CDH13: variants seen among roughly 807,000 people sequenced by gnomAD.
The protein encoded by CDH13 is cadherin 13.
A neutral mutation model predicts 63.8 loss-of-function variants in CDH13; 24 were observed. The observed-to-expected ratio is 0.38, with a 90% CI of 0.27 to 0.53. The LOEUF (loss-of-function observed/expected upper bound fraction) is 0.53, where lower values mean the gene tolerates loss of function less well. Among genes scored for constraint, CDH13 ranks in the 20% least tolerant of loss-of-function variants. The pLI is 0.85. For synonymous variants in CDH13, 503 were observed against 355.3 expected (o/e 1.42, Z -4.67); for missense variants, 1,049 against 903.1 (o/e 1.16, Z -2.07).
intron 8 of CDH13, among the ~76,000 whole-genome samples, chr16:83,665,348 T>G (rs1371388589): frequency 6.6e-6 from 1 of 152,238 alleles, no homozygotes; most frequent in African/African-American, 2.4e-5. Flanking sequence ...TCATTATCCT[T>G]GCTAACAAAT....
chr16:82,935,631 G>A (rs972666079), intron 2 of CDH13, among the ~76,000 whole-genome samples: 8 of 152,136 alleles, frequency 5.3e-5, no homozygotes, highest in African/African-American at 9.7e-5. Context: ...TCAGAATCAC[G>A]TATAGCAGGG....
At chr16:82,854,378 G>T (rs1327787004) in intron 1 of CDH13, among the ~76,000 whole-genome samples, 7 of 133,726 alleles carry the variant, frequency 5.2e-5, no homozygotes, top group African/African-American at 1.9e-4. Context: ...TCCAACCTGG[G>T]TGACAGAGCA....
At chr16:83,116,817 G>A (rs1378141036) in intron 3 of CDH13, among the ~76,000 whole-genome samples, 1 of 152,032 alleles carries the variant, frequency 6.6e-6, no homozygotes, top group Non-Finnish European at 1.5e-5. Flanking sequence ...AGGCGAGAGG[G>A]GCTCCAGCCA....
At chr16:83,750,852 G>C (rs1388626209) in intron 11 of CDH13, among the ~76,000 whole-genome samples, 2 of 152,108 alleles carry the variant, frequency 1.3e-5, no homozygotes, top group African/African-American at 2.4e-5. Context: ...TGTCGTGTAA[G>C]CCACTCCTTT....
chr16:83,571,200 C>A (rs1370354691), intron 7 of CDH13, among the ~76,000 whole-genome samples: 1 of 151,930 alleles, frequency 6.6e-6, no homozygotes, highest in Non-Finnish European at 1.5e-5. Context: ...CAATTTGCTC[C>A]ATATGGATTT....
At chr16:83,214,038 G>A (rs911077107) in intron 4 of CDH13, among the ~76,000 whole-genome samples, 7 of 152,044 alleles carry the variant, frequency 4.6e-5, no homozygotes, top group Non-Finnish European at 1.0e-4. Context: ...ACATGGGTGG[G>A]GACAAATAAG....
At chr16:83,255,625 C>T (rs555644600) in intron 5 of CDH13, among the ~76,000 whole-genome samples, 6 of 152,290 alleles carry the variant, frequency 3.9e-5, no homozygotes, top group South Asian at 4.1e-4. Context: ...TTTTGAAAAT[C>T]GTCCTCTTGG....
intron 2 of CDH13, among the ~76,000 whole-genome samples, chr16:83,024,732 CA>C (rs1422193335): frequency 4.6e-5 from 7 of 152,242 alleles, no homozygotes; most frequent in Admixed American, 4.6e-4. Flanking sequence ...TCTTGCCTTA[CA>C]TTTGTACGAA....
intron 4 of CDH13, among the ~76,000 whole-genome samples, chr16:83,177,437 T>C (rs903937799): frequency 6.6e-6 from 1 of 152,232 alleles, no homozygotes; most frequent in Non-Finnish European, 1.5e-5. Flanking sequence ...CCTCAAAGTT[T>C]AACTCAGCTA....
chr16:82,785,789 C>G (rs2035973758), intron 1 of CDH13, among the ~76,000 whole-genome samples: 1 of 152,114 alleles, frequency 6.6e-6, no homozygotes, highest in South Asian at 2.1e-4. Flanking sequence ...CGCGGTACCG[C>G]AAAAGAAATA....
intron 6 of CDH13, among the ~76,000 whole-genome samples, chr16:83,399,697 C>T (rs545921874): frequency 2.0e-5 from 3 of 152,204 alleles, no homozygotes; most frequent in South Asian, 4.2e-4. Flanking sequence ...TTTTGGAGTC[C>T]GTCTGCTTGA....
At chr16:83,349,432 T>C (rs959350944) in intron 6 of CDH13, among the ~76,000 whole-genome samples, 2 of 152,106 alleles carry the variant, frequency 1.3e-5, no homozygotes, top group South Asian at 2.1e-4. Flanking sequence ...CCTTTGAGAA[T>C]GGCTGACCAT....
intron 4 of CDH13, among the ~76,000 whole-genome samples, chr16:83,146,191 C>G (rs1372891065): frequency 1.2e-4 from 10 of 80,218 alleles, no homozygotes; most frequent in African/African-American, 9.0e-4. Context: ...AAGACTCTGT[C>G]TCAAAAAAAA....
chr16:83,578,975 C>T (rs1905291105), intron 7 of CDH13, among the ~76,000 whole-genome samples: 1 of 152,260 alleles, frequency 6.6e-6, no homozygotes, highest in Non-Finnish European at 1.5e-5. Flanking sequence ...TTTCCGCCTA[C>T]TGAGTGTCTG....
At chr16:82,746,417 C>T (rs2034177362) in intron 1 of CDH13, among the ~76,000 whole-genome samples, 1 of 151,850 alleles carries the variant, frequency 6.6e-6, no homozygotes, top group Non-Finnish European at 1.5e-5. Context: ...GAAGGTGTCC[C>T]CATTACTGGC....
chr16:83,190,188 C>A (rs958588276), intron 4 of CDH13, among the ~76,000 whole-genome samples: 1 of 152,168 alleles, frequency 6.6e-6, no homozygotes, highest in Non-Finnish European at 1.5e-5. Flanking sequence ...ATTGCTGTAG[C>A]CATCTCTGAG....
intron 6 of CDH13, among the ~76,000 whole-genome samples, chr16:83,457,206 A>T (rs1355494528): frequency 8.5e-5 from 13 of 152,158 alleles, no homozygotes; most frequent in Non-Finnish European, 1.6e-4. Context: ...AAGAGCACTG[A>T]CACCTTACGG....
rs1156777169 is a variant in CDH13 at position 83,780,031 on chromosome 16, C to A, written c.1745C>A (p.Ala582Asp). 7 of 1,613,928 alleles carry A rather than the reference C, an allele frequency of 4.3e-6. No individual in the cohort carries two copies. The highest frequency in any genetic ancestry group is 5.9e-6 in the Non-Finnish European group (7 of 1,179,834). Reference protein sequence around the residue: ...LITLEDVNDNAPFIYPTVAEV... With the variant: ...LITLEDVNDNDPFIYPTVAEV... ...ACCCTGGAGGACGTGAATGACAATG[C>A]CCCGTTCATTTACCCCACAGTAGCT... Residue 582 changes from alanine to aspartate, a missense_variant, in exon 12 of 14, where the codon GCC (alanine) becomes GAC (aspartate). Transcript: ENST00000567109.
Position 83,795,078 on chromosome 16 carries a change from G to GAA in CDH13, c.*58_*59dup. On this transcript the variant is annotated 3_prime_UTR_variant, in exon 14 of 14. Transcript: ENST00000567109. The stretch of plus-strand genomic sequence containing the variant: ...GACTCCCAAGTTTCCATAGCAACAG[G>GAA]AAAAAAAAAAATCTATCCAAATCTG... 2.5e-5 allele frequency: 32 copies of GAA among 1,276,670 alleles called. No homozygotes were observed. The highest frequency in any genetic ancestry group is 6.1e-5 in the East Asian group (2 of 32,720). The allele number at this position is 1,276,670 out of a possible 1,614,324, so 79.1% of individuals were successfully genotyped here.
Sources: allele counts gnomAD v4.1 joint callset (sites outside exome capture counted in the v4.1 genomes callset), GRCh38; gene constraint gnomAD v4.1.1; transcripts MANE v1.5; gene names NCBI Gene and HGNC (gene_info 2026-07-23, HGNC 2026-07-21).